Variants in TJP2 observed in about 807,000 individuals in gnomAD.
The protein encoded by TJP2 is Friedreich ataxia region gene X104 (tight junction protein ZO-2).
TJP2 carries 91 observed loss-of-function variants against 133.1 expected under a neutral mutation model. The ratio of observed to expected loss-of-function variants is 0.68; its 90% confidence interval spans 0.58 to 0.81. The LOEUF (loss-of-function observed/expected upper bound fraction) is 0.81, where lower values mean the gene tolerates loss of function less well. Among genes scored for constraint, TJP2 ranks in the 40% least tolerant of loss-of-function variants. The probability of loss-of-function intolerance (pLI) is 0.00; values close to 1 mark genes in which losing one functional copy is unlikely to be tolerated. For synonymous variants in TJP2, 592 were observed against 583.4 expected (o/e 1.01, Z -0.21); for missense variants, 1,541 against 1,565.6 (o/e 0.98, Z 0.26).
intron 5 of TJP2, among the ~76,000 whole-genome samples, chr9:69,224,457 C>T (rs1261020828): frequency 6.6e-6 from 1 of 152,158 alleles, no homozygotes; most frequent in African/African-American, 2.4e-5. Context: ...GCGGGTGGAT[C>T]ACCTGAGGTC....
At chr9:69,143,201 T>C (rs768451937) in intron 1 of TJP2, among the ~76,000 whole-genome samples, 10 of 152,236 alleles carry the variant, frequency 6.6e-5, no homozygotes, top group Non-Finnish European at 1.3e-4. Context: ...AAGAATCACT[T>C]TGTAAGAGCT....
At chr9:69,184,626 A>C (rs1195709345) in intron 1 of TJP2, among the ~76,000 whole-genome samples, 1 of 152,204 alleles carries the variant, frequency 6.6e-6, no homozygotes, top group Non-Finnish European at 1.5e-5. Context: ...CAAAGAAGAA[A>C]TGGCATAGAT....
chr9:69,245,674 T>G (rs1830874613), intron 17 of TJP2, among the ~76,000 whole-genome samples: 1 of 152,218 alleles, frequency 6.6e-6, no homozygotes, highest in African/African-American at 2.4e-5. Context: ...ATTTCACTAC[T>G]TTACCTTGGT....
rs1332034013 is a variant in TJP2, at chr9:69,151,518, ACT to A, written c.-130-130_-130-129del. The A allele has an allele frequency of 2.1e-5, 19 of 911,502 alleles. No individual in the cohort carries two copies. The African/African-American group carries it at 3.1e-4, about 15-fold the overall frequency. The allele number at this position is 911,502 out of a possible 1,614,324, so 56.5% of individuals were successfully genotyped here. Reference sequence around the variant, plus strand: ...AAAGGATTGTGGTGACAGTTGCATAACTCTGTGAAGGTACTAAAAGCCATCCT... The same window carrying A: ...AAAGGATTGTGGTGACAGTTGCATAACTGTGAAGGTACTAAAAGCCATCCT... On this transcript the variant is annotated intron_variant, in intron 1 of 5. Transcript: ENST00000423935.
intron 15 of TJP2, 91 bp downstream of exon 15, chr9:69,238,064 C>G (rs1563948062): frequency 1.2e-6 from 1 of 867,518 alleles, no homozygotes. Context: ...ACCCACGTAC[C>G]CTTCACCTGG....
intron 2 of TJP2, among the ~76,000 whole-genome samples, chr9:69,156,791 T>C (rs1227249693): frequency 1.3e-5 from 2 of 151,830 alleles, no homozygotes; most frequent in Admixed American, 1.3e-4. Flanking sequence ...AGTGCTGGGA[T>C]TACAGGCGTG....
intron 11 of TJP2, 57 bp from the exon 12 acceptor site, chr9:69,234,370 TTTTCTTTCTTTC>T (rs548512481): frequency 7.5e-5 from 84 of 1,117,794 alleles, no homozygotes; most frequent in Middle Eastern, 6.0e-4. Flanking sequence ...CTTCTCTGTT[TTTTCTTTCTTTC>T]TTTCTTTCTT....
intron 1 of TJP2, among the ~76,000 whole-genome samples, chr9:69,205,738 A>G (rs1444470208): frequency 1.3e-5 from 2 of 152,180 alleles, no homozygotes; most frequent in African/African-American, 4.8e-5. Flanking sequence ...GACTTTTATG[A>G]AGCATGTCCC....
chr9:69,176,546 C>G (rs1825107325), intron 1 of TJP2, among the ~76,000 whole-genome samples: 1 of 152,218 alleles, frequency 6.6e-6, no homozygotes, highest in Non-Finnish European at 1.5e-5. Flanking sequence ...AATGACTTGA[C>G]TTTCCCTACA....
In TJP2 at chr9:69,186,961, G is replaced by T. The variant is rs140836144; in HGVS notation, c.60+12529G>T. ...GTTTTTAAAGATAAATTTCTCTGTG[G>T]GCGTTTCTGCTGAGAAATGTGGGGA... On this transcript the variant is annotated intron_variant, in intron 1 of 22. Transcript: ENST00000377245. 9.4e-3 allele frequency among the ~76,000 whole-genome samples: 1,426 copies of T among 152,130 alleles called. 29 individuals carry two copies. Among genetic ancestry groups the T allele is most frequent in the African/African-American group, 0.032 (1,313 of 41,490 alleles).
intron 2 of TJP2, among the ~76,000 whole-genome samples, chr9:69,159,825 A>G (rs1264055403): frequency 6.6e-6 from 1 of 151,204 alleles, no homozygotes; most frequent in Non-Finnish European, 1.5e-5. Context: ...GCAGTGAGCC[A>G]CTGCACTCCA....
intron 1 of TJP2, among the ~76,000 whole-genome samples, chr9:69,190,393 G>C (rs1266586558): frequency 2.6e-5 from 4 of 152,142 alleles, no homozygotes; most frequent in Admixed American, 6.5e-5. Flanking sequence ...GTATGTGATT[G>C]GAAACTGAAC....
intron 2 of TJP2, among the ~76,000 whole-genome samples, chr9:69,168,107 C>T (rs1587952126): frequency 6.6e-6 from 1 of 152,258 alleles, no homozygotes; most frequent in African/African-American, 2.4e-5. Flanking sequence ...TATGAGTGAT[C>T]CACTGAATGT....
Position 69,204,814 on chromosome 9 carries a change from G to A in TJP2, c.61-7734G>A, listed in dbSNP as rs750534470. 1.3e-4 allele frequency: 141 copies of A among 1,071,972 alleles called. 1 individual carries two copies. The highest frequency in any genetic ancestry group is 1.5e-4 in the Non-Finnish European group (130 of 884,200). The allele number at this position is 1,071,972 out of a possible 1,614,324, so 66.4% of individuals were successfully genotyped here. A position where few individuals can be genotyped will look rare whatever the true frequency, so the allele number is the denominator to read the frequency against. ...TTCTTTTCCATAATGTTGCTCTAAA[G>A]TGTCTCATTTACTCAATTCTGTCAA... On this transcript the variant is annotated intron_variant, in intron 1 of 22. Coordinates refer to ENST00000377245, the MANE Select transcript of TJP2 (RefSeq NM_004817.4).
intron 6 of TJP2, among the ~76,000 whole-genome samples, 169 bp from the exon 7 acceptor site, chr9:69,225,853 C>T (rs1490926970): frequency 6.6e-6 from 1 of 152,130 alleles, no homozygotes; most frequent in Non-Finnish European, 1.5e-5. Context: ...TCCAGGCATG[C>T]AGGATTATAT....
intron 1 of TJP2, among the ~76,000 whole-genome samples, chr9:69,133,517 AAG>A (rs1355318081): frequency 1.3e-5 from 2 of 149,764 alleles, no homozygotes; most frequent in South Asian, 4.2e-4. Flanking sequence ...TTGCTGGTCT[AAG>A]AATGCTTTCC....
At chr9:69,146,919 GTACATTT>G (rs1346632892) in intron 1 of TJP2, among the ~76,000 whole-genome samples, 1 of 152,102 alleles carries the variant, frequency 6.6e-6, no homozygotes, top group Non-Finnish European at 1.5e-5. Flanking sequence ...CTGTAAAAGG[GTACATTT>G]TATTAGAAAA....
chr9:69,218,336 A>G lies in TJP2; in HGVS notation c.319A>G (p.Lys107Glu), dbSNP rs1828547693. The change falls in exon 4 of 23, where the codon AAA (lysine) becomes GAA (glutamate). Residue 107 changes from lysine (K) to glutamate (E), a missense_variant. Physicochemically the swap from Lys to Glu is moderately conservative, Grantham distance 56. Transcript: ENST00000377245. Reference sequence around the variant, plus strand: ...TTCGTTTGCAGTTCAGCAGCTCAGAAAAAGTGGGAAGGTCGCTGCTATTGT... The same window carrying G: ...TTCGTTTGCAGTTCAGCAGCTCAGAGAAAGTGGGAAGGTCGCTGCTATTGT... ...LHSFAVQQLR[K>E]SGKVAAIVVK... 6.2e-7 allele frequency: 1 copy of G among 1,614,110 alleles called. No individual in the cohort carries two copies. Among genetic ancestry groups the G allele is most frequent in the African/African-American group, 1.3e-5 (1 of 74,948 alleles).
At chr9:69,138,163 C>T (rs765854415) in intron 1 of TJP2, among the ~76,000 whole-genome samples, 12 of 152,132 alleles carry the variant, frequency 7.9e-5, no homozygotes, top group Non-Finnish European at 1.6e-4. Flanking sequence ...ACGTTCCGCC[C>T]GTTCCATACC....
Sources: gnomAD v4.1 joint callset for allele counts (sites outside exome capture counted in the v4.1 genomes callset) on GRCh38, gnomAD v4.1.1 for gene constraint, MANE v1.5 for transcripts, NCBI Gene and HGNC (gene_info 2026-07-23, HGNC 2026-07-21) for gene names.